Variants in TMOD3 observed in about 807,000 individuals in gnomAD.
TMOD3 encodes tropomodulin-3.
TMOD3 carries 20 observed loss-of-function variants against 39.2 expected under a neutral mutation model. The ratio of observed to expected loss-of-function variants is 0.51; its 90% CI spans 0.36 to 0.74. The LOEUF is 0.74. Among genes scored for constraint, TMOD3 ranks in the 30% least tolerant of loss-of-function variants. The probability of loss-of-function intolerance (pLI) is 0.00; values close to 1 mark genes in which losing one functional copy is unlikely to be tolerated. For missense variants in TMOD3, 381 were observed against 412.8 expected (o/e 0.92, Z 0.67); for synonymous variants, 143 against 145.8 (o/e 0.98, Z 0.14).
At chr15:51,848,360 A>G (rs1335676786) in intron 1 of TMOD3, among the ~76,000 whole-genome samples, 2 of 152,200 alleles carry the variant, frequency 1.3e-5, no homozygotes, top group Non-Finnish European at 2.9e-5. Context: ...CTCAGCCTCA[A>G]CAATCCCAAG....
chr15:51,865,891 T>G (rs939101017), intron 2 of TMOD3, among the ~76,000 whole-genome samples: 5 of 151,954 alleles, frequency 3.3e-5, no homozygotes, highest in African/African-American at 1.2e-4. Context: ...ACTGAGTTTT[T>G]GCCAAAAAAA....
Position 51,829,705 on chromosome 15 carries a change from G to C in TMOD3, c.-206G>C, listed in dbSNP as rs1214902309. ...GCGGTCGAGTGAGGGAGCTGCTGGC[G>C]GGTGGGTCTGGCAACTCTTTGGGAG... On this transcript the variant is annotated 5_prime_UTR_variant, in exon 1 of 10. Transcript: ENST00000308580. 6.6e-6 allele frequency: 1 copy of C among 152,360 alleles called. No homozygotes were observed. Among genetic ancestry groups the C allele is most frequent in the Non-Finnish European group, 1.5e-5 (1 of 68,150 alleles). The allele number at this position is 152,360 out of a possible 1,614,324, so 9.4% of individuals were successfully genotyped here. A position where few individuals can be genotyped will look rare whatever the true frequency, so the allele number is the denominator to read the frequency against.
intron 1 of TMOD3, among the ~76,000 whole-genome samples, chr15:51,854,824 G>C (rs1307660120): frequency 6.6e-6 from 1 of 152,120 alleles, no homozygotes; most frequent in African/African-American, 2.4e-5. Context: ...CTAGAATATG[G>C]CTATTAATTT....
In TMOD3 at chr15:51,869,197, T is replaced by A. The variant is rs1306475280; in HGVS notation, c.127-20T>A. 1 of 1,608,892 alleles carries A rather than the reference T, an allele frequency of 6.2e-7. No individual in the cohort carries two copies. The highest frequency in any genetic ancestry group is 8.5e-7 in the Non-Finnish European group (1 of 1,178,454). ...TAGCATTCTTATTGGTCATATTGGC[T>A]GATTCATTCTCTCTGGCAGAATGCC... On this transcript the variant is annotated intron_variant, in intron 2 of 9. Transcript: ENST00000308580.
At chr15:51,891,810 C>T (rs1467039712) in intron 5 of TMOD3, among the ~76,000 whole-genome samples, 1 of 152,198 alleles carries the variant, frequency 6.6e-6, no homozygotes, top group Non-Finnish European at 1.5e-5. Context: ...ATCCCACTCT[C>T]TGTTGTTTAG....
Position 51,893,848 on chromosome 15 carries a change from T to A in TMOD3, c.530T>A (p.Phe177Tyr), listed in dbSNP as rs778694020. 6.2e-7 allele frequency: 1 copy of A among 1,609,134 alleles called. No homozygotes were observed. Among genetic ancestry groups the A allele is most frequent in the Admixed American group, 1.7e-5 (1 of 59,626 alleles). ...VVKGEKILPV[F>Y]DEPPNPTNVE... ...AAAGGTGAAAAGATTCTTCCGGTAT[T>A]TGATGAGCCACCAAATCCAACCAAT... The change falls in exon 6 of 10, where the codon TTT (phenylalanine) becomes TAT (tyrosine). Residue 177 changes from phenylalanine (F) to tyrosine (Y), a missense_variant. Physicochemically the swap from Phe to Tyr is conservative, Grantham distance 22. Transcript: ENST00000308580.
chr15:51,894,491 A>G (rs1405663505), intron 6 of TMOD3, among the ~76,000 whole-genome samples: 19 of 152,206 alleles, frequency 1.2e-4, no homozygotes, highest in Admixed American at 1.2e-3. Context: ...ACAGGTGCAT[A>G]CAATTTTGTA....
At chr15:51,859,395 G>A (rs2056404963) in intron 1 of TMOD3, 1 of 684,616 alleles carries the variant, frequency 1.5e-6, no homozygotes. Flanking sequence ...TTCTCTTAAT[G>A]TTCACCATCT....
intron 9 of TMOD3, among the ~76,000 whole-genome samples, chr15:51,904,623 A>G (rs564369380): frequency 2.0e-5 from 3 of 152,346 alleles, no homozygotes; most frequent in Admixed American, 6.5e-5. Flanking sequence ...GTGAATGTCT[A>G]TAAACGTCAC....
chr15:51,890,937 A>G (rs1595908027), intron 5 of TMOD3, among the ~76,000 whole-genome samples: 1 of 151,744 alleles, frequency 6.6e-6, no homozygotes, highest in African/African-American at 2.4e-5. Flanking sequence ...TAACCCTTCT[A>G]CTTTTTTTTC....
At chr15:51,892,356 C>CTAT (rs1406594427) in intron 5 of TMOD3, 10 of 152,106 alleles carry the variant, frequency 6.6e-5, no homozygotes, top group Non-Finnish European at 1.3e-4. Context: ...AAAAGTTTAC[C>CTAT]TATTATAGGT....
At chr15:51,863,528 T>C (rs570560904) in intron 2 of TMOD3, among the ~76,000 whole-genome samples, 1 of 152,326 alleles carries the variant, frequency 6.6e-6, no homozygotes, top group African/African-American at 2.4e-5. Flanking sequence ...GGAGCAGACA[T>C]GAATATATGT....
rs557334831 is a variant in TMOD3 at position 51,871,338 on chromosome 15, A to G, written c.283+1965A>G. On this transcript the variant is annotated intron_variant, in intron 3 of 9. Transcript: ENST00000308580. ...TGCAGCCATACGTATGTCAGTGTTT[A>G]TGGCTTTAATCCTGCTTAAATAGAA... Among the ~76,000 whole-genome samples the G allele has an allele frequency of 3.9e-5, 6 of 152,342 alleles. No homozygotes were observed. In the South Asian group the frequency reaches 1.2e-3, roughly 32 times the overall value.
intron 1 of TMOD3, among the ~76,000 whole-genome samples, chr15:51,840,939 A>G (rs995164992): frequency 6.6e-6 from 1 of 152,184 alleles, no homozygotes; most frequent in African/African-American, 2.4e-5. Flanking sequence ...AGTGTCTAGT[A>G]TCATAAAACT....
Position 51,908,908 on chromosome 15 carries a change from T to A in TMOD3, c.*98T>A. On this transcript the variant is annotated 3_prime_UTR_variant, in exon 10 of 10. Coordinates refer to ENST00000308580, the MANE Select transcript of TMOD3 (RefSeq NM_014547.5). ...TTTTCCTGGGTAGAAGGGAAAAGACTGGAAAAATTTTTTTAGTGACATGCA... is the reference window on the plus strand; with the variant it reads ...TTTTCCTGGGTAGAAGGGAAAAGACAGGAAAAATTTTTTTAGTGACATGCA... 1 of 1,026,986 alleles carries A rather than the reference T, an allele frequency of 9.7e-7. No homozygotes were observed. Among genetic ancestry groups the A allele is most frequent in the Non-Finnish European group, 1.4e-6 (1 of 718,578 alleles). 63.6% of individuals were successfully genotyped at this position (1,026,986 alleles called of 1,614,324 possible). A position where few individuals can be genotyped will look rare whatever the true frequency, so the allele number is the denominator to read the frequency against.
At chr15:51,861,105 T>C in intron 1 of TMOD3, 1 of 555,914 alleles carries the variant, frequency 1.8e-6, no homozygotes, top group South Asian at 1.5e-5. Flanking sequence ...TTCGAAAAGA[T>C]TAATTTCATG....
In TMOD3 at chr15:51,915,533, C is replaced by T. The variant is rs1286436681; in HGVS notation, c.*6723C>T. The stretch of plus-strand genomic sequence containing the variant: ...GCTAAAATATCCAACATTGTAATTG[C>T]CCTATTTTTCCATTTTTATAAGTAT... On this transcript the variant is annotated 3_prime_UTR_variant, in exon 10 of 10. Transcript: ENST00000308580. The T allele has an allele frequency of 5.3e-5, 8 of 151,760 alleles. No individual in the cohort carries two copies. Among genetic ancestry groups the T allele is most frequent in the Non-Finnish European group, 1.5e-5 (1 of 67,950 alleles). The allele number at this position is 151,760 out of a possible 1,614,324, so 9.4% of individuals were successfully genotyped here.
chr15:51,903,252 C>T (rs1227285711), intron 9 of TMOD3, among the ~76,000 whole-genome samples: 1 of 152,202 alleles, frequency 6.6e-6, no homozygotes, highest in Non-Finnish European at 1.5e-5. Flanking sequence ...ATAGACTTTC[C>T]AGCCAAGGCT....
chr15:51,887,407 C>T (rs767780954), intron 3 of TMOD3, among the ~76,000 whole-genome samples, 182 bp from the exon 4 acceptor site: 6 of 151,592 alleles, frequency 4.0e-5, no homozygotes, highest in Non-Finnish European at 8.8e-5. Context: ...CTTTTCTTTC[C>T]AACTTTTACA....
Sources: allele counts gnomAD v4.1 joint callset (sites outside exome capture counted in the v4.1 genomes callset), GRCh38; gene constraint gnomAD v4.1.1; transcripts MANE v1.5; gene names NCBI Gene and HGNC (gene_info 2026-07-23, HGNC 2026-07-21).